Variants in TBC1D16 observed in about 807,000 individuals in gnomAD.
TBC1D16 encodes CTD-2529O21.1.
In TBC1D16, 58 loss-of-function variants were observed where a neutral mutation model predicts 74.7. The observed-to-expected ratio is 0.78, with a 90% confidence interval of 0.63 to 0.97. TBC1D16 has a LOEUF of 0.97. Among genes scored for constraint, TBC1D16 ranks in the 50% least tolerant of loss-of-function variants. TBC1D16 has a pLI of 0.00. For missense variants in TBC1D16, 1,014 were observed against 1,079.5 expected, an observed-to-expected ratio of 0.94 and a Z score of 0.85; for synonymous variants, 493 against 474.7, an observed-to-expected ratio of 1.04 and a Z score of -0.50.
intron 1 of TBC1D16, among the ~76,000 whole-genome samples, chr17:80,029,514 G>A (rs2036703286): frequency 6.6e-6 from 1 of 152,122 alleles, no homozygotes; most frequent in African/African-American, 2.4e-5. Flanking sequence ...GTGGGGGTGG[G>A]TCTTCTCTAG....
intron 3 of TBC1D16, 114 bp from the exon 4 acceptor site, chr17:79,952,932 A>G (rs1034469180): frequency 1.8e-5 from 22 of 1,243,100 alleles, no homozygotes; most frequent in Non-Finnish European, 2.2e-5. Flanking sequence ...TTAAACACAC[A>G]TACAGGCACG....
rs2031590549 is a variant in TBC1D16 at position 79,936,411 on chromosome 17, G to A, written c.*4448C>T. 1 of 152,178 alleles carries A rather than the reference G, an allele frequency of 6.6e-6. No individual in the cohort carries two copies. Among genetic ancestry groups the A allele is most frequent in the African/African-American group, 2.4e-5 (1 of 41,428 alleles). The allele number at this position is 152,178 out of a possible 1,614,324, so 9.4% of individuals were successfully genotyped here. On this transcript the variant is annotated 3_prime_UTR_variant, in exon 12 of 12. Coordinates refer to ENST00000310924, the MANE Select transcript of TBC1D16 (RefSeq NM_019020.4). The stretch of plus-strand genomic sequence containing the variant: ...CCCTGAGTGGCAGGTGTGGTCCCTG[G>A]GACTTCATAAACCATCCTCATGACA...
chr17:79,943,455 G>C (rs533265401), intron 10 of TBC1D16, among the ~76,000 whole-genome samples: 2 of 152,154 alleles, frequency 1.3e-5, no homozygotes, highest in African/African-American at 4.8e-5. Flanking sequence ...GACAGCGGAC[G>C]GATAGCATCA....
rs543477193 is a variant in TBC1D16 at position 80,009,353 on chromosome 17, G to T, written c.779+807C>A. On this transcript the variant is annotated intron_variant, in intron 3 of 11. Transcript: ENST00000310924. This position sits in a 1 kb window ranked among gnomAD's most constrained non-coding sequence, Gnocchi z 5.4. ...GCAGGCCCCCTGTGCTGGCTCTGGG[G>T]CTCCGGGCTTATGCGACCACACGGG... Among the ~76,000 whole-genome samples the T allele has an allele frequency of 2.6e-5, 4 of 152,360 alleles. No individual in the cohort carries two copies. In the East Asian group the frequency reaches 7.7e-4, roughly 29 times the overall value.
At chr17:79,972,325 T>C (rs1350372500) in intron 3 of TBC1D16, among the ~76,000 whole-genome samples, 1 of 152,086 alleles carries the variant, frequency 6.6e-6, no homozygotes, top group Non-Finnish European at 1.5e-5. Context: ...CACAGGCGTG[T>C]ACTACCACAC....
chr17:80,013,274 A>T, intron 2 of TBC1D16, 93 bp downstream of exon 2: 1 of 1,207,476 alleles, frequency 8.3e-7, no homozygotes, highest in Non-Finnish European at 1.1e-6. Flanking sequence ...AACCAAATGC[A>T]CTCTCACGTG....
intron 1 of TBC1D16, among the ~76,000 whole-genome samples, chr17:80,014,309 A>G (rs1278836375): frequency 4.6e-5 from 7 of 152,198 alleles, no homozygotes; most frequent in Non-Finnish European, 7.3e-5. Context: ...GTGAGCTGAG[A>G]TCACATCACT....
intron 3 of TBC1D16, among the ~76,000 whole-genome samples, chr17:80,004,247 CCT>C (rs1156847420): frequency 6.6e-6 from 1 of 152,216 alleles, no homozygotes; most frequent in Non-Finnish European, 1.5e-5. Context: ...GCAGCCCTGC[CCT>C]GAGAGCCTCA....
intron 1 of TBC1D16, chr17:80,023,923 C>G (rs2036383917): frequency 6.7e-6 from 1 of 150,312 alleles, no homozygotes; most frequent in Non-Finnish European, 1.5e-5. Context: ...CTGAGTTTAA[C>G]CCGATCCTGT....
In TBC1D16 at chr17:80,010,657, G is replaced by C. The variant is rs920396498; in HGVS notation, c.282C>G (p.Ala94=). 1.3e-6 allele frequency: 2 copies of C among 1,545,290 alleles called. No individual in the cohort carries two copies. The highest frequency in any genetic ancestry group is 1.4e-5 in the African/African-American group (1 of 72,540). ...NSRIQRQDEE[A]LRYITPESSP... Reference sequence around the variant, plus strand: ...AGCTCTCGGGTGTGATGTAGCGCAGGGCCTCCTCGTCCTGCCTCTGGATGC... The same window carrying C: ...AGCTCTCGGGTGTGATGTAGCGCAGCGCCTCCTCGTCCTGCCTCTGGATGC... The change falls in exon 3 of 12, where the codon GCC becomes GCG. Residue 94 remains alanine (A), a synonymous_variant. Transcript: ENST00000310924. The surrounding 1 kb of genome is among the most constrained non-coding windows in gnomAD (Gnocchi z 8.8).
chr17:80,021,206 C>T (rs931428220), intron 1 of TBC1D16, among the ~76,000 whole-genome samples: 10 of 149,358 alleles, frequency 6.7e-5, no homozygotes, highest in Admixed American at 1.3e-4. Flanking sequence ...GAGCCGAGAT[C>T]GTGCCATTGC....
chr17:79,947,630 C>T lies in TBC1D16; in HGVS notation c.1728+15G>A, dbSNP rs767380746. 3 of 1,613,222 alleles carry T rather than the reference C, an allele frequency of 1.9e-6. No individual in the cohort carries two copies. Among genetic ancestry groups the T allele is most frequent in the Non-Finnish European group, 8.5e-7 (1 of 1,179,442 alleles). ...CTCACATGCCCTTGGACGCACCCAT[C>T]CCCCTGAGCCTCACCAGTTGTTTCT... On this transcript the variant is annotated intron_variant, in intron 9 of 11. Coordinates refer to ENST00000310924, the MANE Select transcript of TBC1D16 (RefSeq NM_019020.4).
rs2035473551 is a variant in TBC1D16 at position 80,001,218 on chromosome 17, C to T, written c.779+8942G>A. Among the ~76,000 whole-genome samples, 1 of 152,230 alleles carries T rather than the reference C, an allele frequency of 6.6e-6. No individual in the cohort carries two copies. The highest frequency in any genetic ancestry group is 2.4e-5 in the African/African-American group (1 of 41,464). On this transcript the variant is annotated intron_variant, in intron 3 of 11. Coordinates refer to ENST00000310924, the MANE Select transcript of TBC1D16 (RefSeq NM_019020.4). This position sits in a 1 kb window ranked among gnomAD's most constrained non-coding sequence, Gnocchi z 5.8. ...CCTCAGACCCCTGGCATCGGCCACT[C>T]TCTGGGTGCAGGCGGAGCAGCTGGT...
intron 3 of TBC1D16, among the ~76,000 whole-genome samples, chr17:79,984,569 A>AGAGAGG (rs1229817192): frequency 6.7e-6 from 1 of 149,060 alleles, no homozygotes; most frequent in African/African-American, 2.5e-5. Context: ...AAAGAGAGAG[A>AGAGAGG]GAGAAAGAAA....
In TBC1D16 at chr17:79,984,050, T is replaced by C. The variant is rs1307037197; in HGVS notation, c.779+26110A>G. Among the ~76,000 whole-genome samples, 16 of 58,644 alleles carry C rather than the reference T, an allele frequency of 2.7e-4. No homozygotes were observed. The Admixed American group carries it at 3.2e-3, about 12-fold the overall frequency. The allele number at this position is 58,644 out of a possible 152,430, so 38.5% of individuals were successfully genotyped here. A position where few individuals can be genotyped will look rare whatever the true frequency, so the allele number is the denominator to read the frequency against. On this transcript the variant is annotated intron_variant, in intron 3 of 11. Coordinates refer to ENST00000310924, the MANE Select transcript of TBC1D16 (RefSeq NM_019020.4). The stretch of plus-strand genomic sequence containing the variant: ...ACCTGACTATTTATTTTGTATTTTT[T>C]ACAGAGATGGCGGGGTGGGGGGGCG...
chr17:79,949,923 C>G, intron 6 of TBC1D16, 58 bp from the exon 7 acceptor site: 1 of 1,576,528 alleles, frequency 6.3e-7, no homozygotes, highest in Non-Finnish European at 8.7e-7. Context: ...AAAGAACCCC[C>G]AAATCCCCAG....
chr17:79,943,703 G>A (rs755572577), intron 10 of TBC1D16: 6 of 572,326 alleles, frequency 1.0e-5, no homozygotes, highest in East Asian at 1.5e-4. Context: ...GAGATCCCAC[G>A]TCACGTGGGC....
chr17:79,960,801 A>AAAAAAAAAAAAAAAAAAAAAAAAAC (rs2033570654), intron 3 of TBC1D16, among the ~76,000 whole-genome samples: 2 of 149,048 alleles, frequency 1.3e-5, no homozygotes, highest in Non-Finnish European at 3.0e-5. Flanking sequence ...AAAAAAAAAA[A>AAAAAAAAAAAAAAAAAAAAAAAAAC]AAAAAAAACG....
rs78945772 is a variant in TBC1D16 at position 79,964,896 on chromosome 17, T to C, written c.780-12078A>G. Among the ~76,000 whole-genome samples, 70 of 152,238 alleles carry C rather than the reference T, an allele frequency of 4.6e-4. 1 individual carries two copies. The East Asian group carries it at 0.011, about 24-fold the overall frequency. On this transcript the variant is annotated intron_variant, in intron 3 of 11. Coordinates refer to ENST00000310924, the MANE Select transcript of TBC1D16 (RefSeq NM_019020.4). ...AAAATATACTATCAATACTGTTTTA[T>C]ATATAATATATATTGACAGGTATTT...
Sources: allele counts gnomAD v4.1 joint callset (sites outside exome capture counted in the v4.1 genomes callset), GRCh38; gene constraint gnomAD v4.1.1; non-coding constraint Gnocchi (gnomAD v3.1); transcripts MANE v1.5; gene names NCBI Gene and HGNC (gene_info 2026-07-23, HGNC 2026-07-21).